The following KIZ variants were observed in gnomAD, a reference collection of about 807,000 sequenced individuals.
KIZ encodes the protein kizuna centrosomal protein, also known as centrosomal protein kizuna.
Under a neutral mutation model 79.6 loss-of-function variants are expected in KIZ, and 68 were observed. The observed-to-expected ratio is 0.85, with a 90% CI of 0.70 to 1.05. KIZ has a LOEUF of 1.05. Among genes scored for constraint, KIZ ranks in the 50% least tolerant of loss-of-function variants. KIZ has a pLI of 0.00. For missense variants in KIZ, 797 were observed against 800.4 expected, an observed-to-expected ratio of 1.00 and a Z score of 0.05; for synonymous variants, 280 against 281.8, an observed-to-expected ratio of 0.99 and a Z score of 0.06.
intron 11 of KIZ, among the ~76,000 whole-genome samples, chr20:21,240,889 T>A (rs538919670): frequency 2.0e-5 from 3 of 152,388 alleles, no homozygotes; most frequent in African/African-American, 7.2e-5. Context: ...GTTTTTGTGC[T>A]ACAAACACAG....
intron 4 of KIZ, among the ~76,000 whole-genome samples, chr20:21,156,568 A>G (rs973780418): frequency 2.0e-5 from 3 of 152,172 alleles, no homozygotes; most frequent in African/African-American, 7.2e-5. Context: ...ATACTTGGTG[A>G]TAATAATAAT....
chr20:21,141,194 C>G (rs1020705639), intron 3 of KIZ, among the ~76,000 whole-genome samples: 1 of 152,082 alleles, frequency 6.6e-6, no homozygotes, highest in African/African-American at 2.4e-5. Flanking sequence ...CCCCATTATC[C>G]TTGTCTCAGG....
intron 6 of KIZ, among the ~76,000 whole-genome samples, chr20:21,190,305 G>A (rs1032204472): frequency 1.3e-5 from 2 of 152,240 alleles, no homozygotes; most frequent in Non-Finnish European, 2.9e-5. Context: ...AAATTTGCCT[G>A]TAATGCTGCT....
intron 5 of KIZ, 50 bp downstream of exon 5, chr20:21,162,557 T>A (rs1368543338): frequency 2.1e-6 from 3 of 1,434,310 alleles, no homozygotes; most frequent in African/African-American, 2.8e-5. Context: ...GTGGTAGTGA[T>A]CTTATGTAAG....
At chr20:21,158,700 T>A (rs1254087870) in intron 4 of KIZ, 1 of 152,222 alleles carries the variant, frequency 6.6e-6, no homozygotes, top group Non-Finnish European at 1.5e-5. Context: ...TAAAGGATCA[T>A]GGAGGTGGAA....
At chr20:21,152,746 G>A (rs1470630852) in intron 4 of KIZ, among the ~76,000 whole-genome samples, 1 of 152,162 alleles carries the variant, frequency 6.6e-6, no homozygotes, top group Non-Finnish European at 1.5e-5. Flanking sequence ...TTTTGTGAAA[G>A]TTACCTGCTG....
chr20:21,127,979 T>C (rs1384490836), intron 1 of KIZ, among the ~76,000 whole-genome samples: 1 of 152,266 alleles, frequency 6.6e-6, no homozygotes, highest in Non-Finnish European at 1.5e-5. Flanking sequence ...TTATTGTCTG[T>C]ATCCAATTTG....
chr20:21,176,691 C>G (rs1384354061), intron 6 of KIZ, among the ~76,000 whole-genome samples: 2 of 151,878 alleles, frequency 1.3e-5, no homozygotes, highest in African/African-American at 4.8e-5. Flanking sequence ...TGCTAGGGCT[C>G]TAGGGCTCTA....
intron 9 of KIZ, among the ~76,000 whole-genome samples, chr20:21,227,176 A>T (rs1186405332): frequency 2.0e-5 from 3 of 152,122 alleles, no homozygotes; most frequent in Admixed American, 2.0e-4. Flanking sequence ...AGAATGCTTA[A>T]TCCCCCCCAA....
chr20:21,246,380 C>A, intron 12 of KIZ, 99 bp from the exon 13 acceptor site: 1 of 735,518 alleles, frequency 1.4e-6, no homozygotes, highest in South Asian at 1.6e-5. Flanking sequence ...ATTTTGCAGA[C>A]TGACACTCTG....
chr20:21,232,055 T>C (rs1432325440), intron 10 of KIZ, among the ~76,000 whole-genome samples: 2 of 152,244 alleles, frequency 1.3e-5, no homozygotes, highest in African/African-American at 2.4e-5. Context: ...CCATGCATGC[T>C]GTATCTGTGA....
intron 9 of KIZ, among the ~76,000 whole-genome samples, chr20:21,224,063 G>GGGTCACCGCAACCTCC (rs1299224116): frequency 1.6e-4 from 24 of 152,098 alleles, no homozygotes; most frequent in Admixed American, 1.4e-3. Flanking sequence ...GCGCGATCTC[G>GGGTCACCGCAACCTCC]GGTCACCGCA....
intron 2 of KIZ, chr20:21,133,197 T>A (rs1485558974): frequency 6.6e-6 from 1 of 152,240 alleles, no homozygotes; most frequent in Non-Finnish European, 1.5e-5. Context: ...AAATTACCTA[T>A]TAGGTCAGTT....
rs567033540 is a variant in KIZ, at chr20:21,224,036, C to G, written c.1679-4975C>G. 4.6e-5 allele frequency among the ~76,000 whole-genome samples: 7 copies of G among 151,582 alleles called. No homozygotes were observed. In the East Asian group the frequency reaches 1.2e-3, roughly 25 times the overall value. ...GAGATGGAGTTTTATTCTTGTTGCCCAGGCTGGAGTGCAATGGCGCGATCT... is the reference window on the plus strand; with the variant it reads ...GAGATGGAGTTTTATTCTTGTTGCCGAGGCTGGAGTGCAATGGCGCGATCT... On this transcript the variant is annotated intron_variant, in intron 9 of 12. Transcript: ENST00000619189.
chr20:21,183,721 A>G (rs763069602), intron 6 of KIZ, among the ~76,000 whole-genome samples: 1 of 152,114 alleles, frequency 6.6e-6, no homozygotes, highest in Admixed American at 6.6e-5. Context: ...AACCCTTTTT[A>G]AAGTGTATTT....
chr20:21,189,273 G>A (rs976361938), intron 6 of KIZ, among the ~76,000 whole-genome samples: 2 of 152,048 alleles, frequency 1.3e-5, no homozygotes, highest in Non-Finnish European at 2.9e-5. Flanking sequence ...CCAGTCAGGA[G>A]GATTTTTTCA....
In KIZ at chr20:21,162,994, C is replaced by T. The variant is rs1437495174; in HGVS notation, c.1187C>T (p.Pro396Leu). The T allele has an allele frequency of 6.2e-7, 1 of 1,613,878 alleles. No individual in the cohort carries two copies. Among genetic ancestry groups the T allele is most frequent in the Non-Finnish European group, 8.5e-7 (1 of 1,179,858 alleles). Residue 396 changes from proline to leucine, a missense_variant, in exon 6 of 13, where the codon CCA (proline) becomes CTA (leucine). By Grantham distance (98) the Pro-to-Leu change is moderately conservative. Transcript: ENST00000619189. ...DLILESPEPQ[P>L]NPGGKMEGED... is the part of the protein sequence containing the mutation. Reference sequence around the variant, plus strand: ...ATTTTAGAGAGCCCAGAACCACAGCCAAATCCAGGTGGCAAGATGGAGGGA... The same window carrying T: ...ATTTTAGAGAGCCCAGAACCACAGCTAAATCCAGGTGGCAAGATGGAGGGA...
At chr20:21,164,051 C>T (rs1250044040) in intron 6 of KIZ, among the ~76,000 whole-genome samples, 2 of 152,170 alleles carry the variant, frequency 1.3e-5, no homozygotes, top group African/African-American at 4.8e-5. Context: ...CAGAACACCC[C>T]ACAGCCTGTC....
chr20:21,184,340 G>A (rs375117659), intron 6 of KIZ, among the ~76,000 whole-genome samples: 179 of 152,084 alleles, frequency 1.2e-3, no homozygotes, highest in African/African-American at 4.1e-3. Context: ...TAGTAGAGAC[G>A]GGGTTTCACT....
Sources: allele counts gnomAD v4.1 joint callset (sites outside exome capture counted in the v4.1 genomes callset), GRCh38; gene constraint gnomAD v4.1.1; transcripts MANE v1.5; gene names NCBI Gene and HGNC (gene_info 2026-07-23, HGNC 2026-07-21).